Variants in ZNF276 observed in about 807,000 individuals in gnomAD.
ZNF276 encodes centromere protein Z.
A neutral mutation model predicts 63.9 loss-of-function variants in ZNF276; 59 were observed. The observed-to-expected ratio is 0.92, with a 90% CI of 0.75 to 1.15. The LOEUF is 1.15. ZNF276 is among the 50% of genes most tolerant of loss of function. ZNF276 has a pLI of 0.00. For synonymous variants in ZNF276, 496 were observed against 348.4 expected, an observed-to-expected ratio of 1.42 and a Z score of -4.72; for missense variants, 1,084 against 843.8, an observed-to-expected ratio of 1.28 and a Z score of -3.53.
At position 89,738,373 on chromosome 16, in the gene ZNF276, C is replaced by A; in HGVS notation, c.*127C>A. ...GCCCGCCCTTGGTGCTGGAGGCGGG[C>A]TTGGTGTCCGGCTCAAGTAGCCTTC... On this transcript the variant is annotated 3_prime_UTR_variant, in exon 11 of 11. Coordinates refer to ENST00000443381, the MANE Select transcript of ZNF276 (RefSeq NM_001113525.2). 6.9e-7 allele frequency: 1 copy of A among 1,439,582 alleles called. No homozygotes were observed. 89.2% of individuals were successfully genotyped at this position (1,439,582 alleles called of 1,614,324 possible).
chr16:89,722,971 G>C, intron 2 of ZNF276, 137 bp downstream of exon 2: 1 of 1,564,762 alleles, frequency 6.4e-7, no homozygotes, highest in Non-Finnish European at 8.6e-7. Flanking sequence ...AGTGCCAACA[G>C]CCCTGGGACT....
chr16:89,735,945 GCAGTGGCACAATCT>G (rs1567584685), intron 9 of ZNF276, among the ~76,000 whole-genome samples: 2 of 150,606 alleles, frequency 1.3e-5, no homozygotes, highest in African/African-American at 4.9e-5. Context: ...AGGCTGGGGT[GCAGTGGCACAATCT>G]CAGCTCACTG....
At chr16:89,726,505 G>GT (rs1414962305) in intron 4 of ZNF276, among the ~76,000 whole-genome samples, 2 of 152,056 alleles carry the variant, frequency 1.3e-5, no homozygotes, top group African/African-American at 4.8e-5. Context: ...TCAATTTTTT[G>GT]TATTTTTTGT....
intron 10 of ZNF276, 22 bp downstream of exon 10, chr16:89,737,927 CT>C (rs17233826): frequency 0.44 from 707,464 of 1,613,436 alleles, 166,587 homozygotes; most frequent in East Asian, 0.97. Context: ...TCAGGACCCC[CT>C]CCCAGGGCTG....
In ZNF276 at chr16:89,738,411, A is replaced by C; in HGVS notation, c.*165A>C. 1 of 1,371,936 alleles carries C rather than the reference A, an allele frequency of 7.3e-7. No homozygotes were observed. Among genetic ancestry groups the C allele is most frequent in the Non-Finnish European group, 9.9e-7 (1 of 1,012,640 alleles). The allele number at this position is 1,371,936 out of a possible 1,614,324, so 85.0% of individuals were successfully genotyped here. On this transcript the variant is annotated 3_prime_UTR_variant, in exon 11 of 11. Transcript: ENST00000443381. ...TCAAGTAGCCTTCCTCTGCTCTGGG[A>C]CCAGTGGTTTATTTTCCCGCAAACG...
At position 89,740,367 on chromosome 16, in the gene ZNF276, C is replaced by T; in HGVS notation, c.*2121C>T. ...AAAAGAAAGGCCCACAGGCCGGATGCAGTGGCTCATGCCTGTAATCCCAAC... is the reference window on the plus strand; with the variant it reads ...AAAAGAAAGGCCCACAGGCCGGATGTAGTGGCTCATGCCTGTAATCCCAAC... On this transcript the variant is annotated 3_prime_UTR_variant, in exon 11 of 11. Coordinates refer to ENST00000443381, the MANE Select transcript of ZNF276 (RefSeq NM_001113525.2). 3.8e-6 allele frequency: 2 copies of T among 521,778 alleles called. No homozygotes were observed. The highest frequency in any genetic ancestry group is 3.2e-5 in the Admixed American group (1 of 31,438). 32.3% of individuals were successfully genotyped at this position (521,778 alleles called of 1,614,324 possible).
At chr16:89,737,612 C>T (rs1395854762) in intron 9 of ZNF276, 194 bp from the exon 10 acceptor site, 1 of 1,064,632 alleles carries the variant, frequency 9.4e-7, no homozygotes. Context: ...GCTGATGAAG[C>T]CACGTGACAG....
chr16:89,735,886 TTTTTG>T lies in ZNF276; in HGVS notation c.1474+1852_1474+1856del, dbSNP rs916936232. On this transcript the variant is annotated intron_variant, in intron 9 of 10. Transcript: ENST00000443381. ...TCTGCCACCACGCCGGGGGTGTTTT[TTTTTG>T]TTTGTTTGTTTGTTTTTTTGACTGA... Among the ~76,000 whole-genome samples, 39 of 92,050 alleles carry T rather than the reference TTTTTG, an allele frequency of 4.2e-4. No individual in the cohort carries two copies. In the East Asian group the frequency reaches 0.08, roughly 189 times the overall value. The allele number at this position is 92,050 out of a possible 152,430, so 60.4% of individuals were successfully genotyped here. A position where few individuals can be genotyped will look rare whatever the true frequency, so the allele number is the denominator to read the frequency against.
chr16:89,728,955 C>T (rs548374420), intron 5 of ZNF276, among the ~76,000 whole-genome samples: 68 of 152,214 alleles, frequency 4.5e-4, no homozygotes, highest in Non-Finnish European at 9.1e-4. Flanking sequence ...CTTTGAGCGC[C>T]TCCACCCCTT....
chr16:89,720,790 G>C, upstream of ZNF276: 1 of 1,459,782 alleles, frequency 6.9e-7, no homozygotes, highest in Non-Finnish European at 9.1e-7. Context: ...TGTCCAGCTC[G>C]ATGGCCCCGT....
chr16:89,737,585 A>C, intron 9 of ZNF276: 1 of 791,738 alleles, frequency 1.3e-6, no homozygotes, highest in South Asian at 2.1e-5. Flanking sequence ...TTTAAAAACC[A>C]TCCTGAAATG....
chr16:89,739,391 C>T lies in ZNF276; in HGVS notation c.*1145C>T. On this transcript the variant is annotated 3_prime_UTR_variant, in exon 11 of 11. Transcript: ENST00000443381. ...TCTGTGGAGCAGAGGCACAGACAAC[C>T]CTTCCCATCTGGCGGGACCCAGAGG... 1.3e-6 allele frequency: 2 copies of T among 1,577,548 alleles called. No individual in the cohort carries two copies. Among genetic ancestry groups the T allele is most frequent in the Non-Finnish European group, 1.7e-6 (2 of 1,157,666 alleles).
intron 4 of ZNF276, among the ~76,000 whole-genome samples, chr16:89,725,817 A>C (rs2061451416): frequency 1.3e-5 from 2 of 151,822 alleles, no homozygotes; most frequent in African/African-American, 2.4e-5. Flanking sequence ...AACAAAGAAA[A>C]CTTATTTTAA....
chr16:89,736,777 AG>A (rs1194162785), intron 9 of ZNF276, among the ~76,000 whole-genome samples: 1 of 136,614 alleles, frequency 7.3e-6, no homozygotes, highest in Non-Finnish European at 1.5e-5. Flanking sequence ...CCTGGGCAAC[AG>A]AGCAAGACCC....
intron 5 of ZNF276, 26 bp from the exon 6 acceptor site, chr16:89,729,209 G>C (rs1193569278): frequency 6.2e-7 from 1 of 1,609,782 alleles, no homozygotes; most frequent in Non-Finnish European, 8.5e-7. Context: ...CCAGGGCTTT[G>C]CTGAAGATTC....
Position 89,739,826 on chromosome 16 carries a change from A to G in ZNF276, c.*1580A>G. ...CTGGGGTTGACCAGTGAGCCAGTAA[A>G]TTATCTTATTGCTTTAAACAAGTTT... On this transcript the variant is annotated 3_prime_UTR_variant, in exon 11 of 11. Coordinates refer to ENST00000443381, the MANE Select transcript of ZNF276 (RefSeq NM_001113525.2). The G allele has an allele frequency of 6.8e-7, 1 of 1,475,440 alleles. No homozygotes were observed. The highest frequency in any genetic ancestry group is 9.0e-7 in the Non-Finnish European group (1 of 1,116,226). The allele number at this position is 1,475,440 out of a possible 1,614,324, so 91.4% of individuals were successfully genotyped here. A position where few individuals can be genotyped will look rare whatever the true frequency, so the allele number is the denominator to read the frequency against.
chr16:89,723,650 C>G lies in ZNF276; in HGVS notation c.947C>G (p.Ala316Gly). 2 of 1,612,538 alleles carry G rather than the reference C, an allele frequency of 1.2e-6. No individual in the cohort carries two copies. Among genetic ancestry groups the G allele is most frequent in the East Asian group, 4.5e-5 (2 of 44,884 alleles). Reference sequence around the variant, plus strand: ...GCCCAGCCTCCTTCGGACAGCGACGCGGTGGGGCCCAGGTCGGGCTTCCCA... The same window carrying G: ...GCCCAGCCTCCTTCGGACAGCGACGGGGTGGGGCCCAGGTCGGGCTTCCCA... ...DVAQPPSDSD[A>G]VGPRSGFPPQ... The change falls in exon 4 of 11, where the codon GCG becomes GGG. Residue 316 changes from alanine (A) to glycine (G), a missense_variant. Ala to Gly is a moderately conservative substitution (Grantham distance 60, BLOSUM62 0). Coordinates refer to ENST00000443381, the MANE Select transcript of ZNF276 (RefSeq NM_001113525.2).
At chr16:89,735,669 G>GA (rs1194862690) in intron 9 of ZNF276, among the ~76,000 whole-genome samples, 1 of 151,854 alleles carries the variant, frequency 6.6e-6, no homozygotes, top group African/African-American at 2.4e-5. Context: ...CCAGGATTTT[G>GA]ACACCAGCCT....
chr16:89,728,774 C>T (rs551638457), intron 5 of ZNF276, among the ~76,000 whole-genome samples: 21 of 152,096 alleles, frequency 1.4e-4, no homozygotes, highest in South Asian at 2.1e-4. Flanking sequence ...TGACCTCATG[C>T]GATCCACCTA....
Sources: gnomAD v4.1 joint callset for allele counts (sites outside exome capture counted in the v4.1 genomes callset) on GRCh38, gnomAD v4.1.1 for gene constraint, MANE v1.5 for transcripts, NCBI Gene and HGNC (gene_info 2026-07-23, HGNC 2026-07-21) for gene names.